Variants in ADGRL3 observed in about 807,000 individuals in gnomAD.
ADGRL3 encodes the protein calcium-independent alpha-latrotoxin receptor 3.
In ADGRL3, 62 loss-of-function variants were observed where a neutral mutation model predicts 153.5. That is an observed-to-expected ratio of 0.40 (90% confidence interval 0.33 to 0.50). The LOEUF (loss-of-function observed/expected upper bound fraction) is 0.50, where lower values mean the gene tolerates loss of function less well. Ranked by LOEUF, ADGRL3 falls within the 20% of genes least tolerant of loss-of-function variation. ADGRL3 has a pLI of 0.47. For synonymous variants in ADGRL3, 710 were observed against 672.5 expected, an observed-to-expected ratio of 1.06 and a Z score of -0.86; for missense variants, 1,641 against 1,859.4, an observed-to-expected ratio of 0.88 and a Z score of 2.16.
At chr4:61,296,421 C>T (rs12331903) in intron 1 of ADGRL3, among the ~76,000 whole-genome samples, 41,190 of 151,776 alleles carry the variant, frequency 0.27, 6,154 homozygotes, top group East Asian at 0.43. Flanking sequence ...CAAACCTAGG[C>T]ATAAGAGAGC....
At chr4:61,694,088 T>A (rs1175860834) in intron 6 of ADGRL3, among the ~76,000 whole-genome samples, 1 of 151,636 alleles carries the variant, frequency 6.6e-6, no homozygotes, top group East Asian at 1.9e-4. Flanking sequence ...TTCAAAACAG[T>A]GTATCTTCTA....
At chr4:61,844,391 G>T (rs1293981779) in intron 9 of ADGRL3, among the ~76,000 whole-genome samples, 3 of 149,414 alleles carry the variant, frequency 2.0e-5, no homozygotes, top group African/African-American at 4.9e-5. Context: ...TACTAAAAAT[G>T]CAAAACTTAG....
At chr4:61,361,118 T>C (rs1424266880) in intron 1 of ADGRL3, among the ~76,000 whole-genome samples, 1 of 152,196 alleles carries the variant, frequency 6.6e-6, no homozygotes, top group Non-Finnish European at 1.5e-5. Context: ...GCTAGAATGC[T>C]GTGTGATGAG....
chr4:61,495,892 T>G (rs1456473073), intron 2 of ADGRL3, among the ~76,000 whole-genome samples: 1 of 152,226 alleles, frequency 6.6e-6, no homozygotes, highest in Non-Finnish European at 1.5e-5. Context: ...TGAATGATGT[T>G]CGAACTGCAT....
intron 2 of ADGRL3, among the ~76,000 whole-genome samples, chr4:61,491,739 G>A (rs900710341): frequency 1.5e-4 from 23 of 151,912 alleles, no homozygotes; most frequent in African/African-American, 5.1e-4. Flanking sequence ...TTCTCCATAC[G>A]TCAGTGTTAT....
At chr4:61,911,947 C>A (rs537999424) in intron 12 of ADGRL3, among the ~76,000 whole-genome samples, 1 of 152,192 alleles carries the variant, frequency 6.6e-6, no homozygotes, top group Admixed American at 6.5e-5. Flanking sequence ...CATTTTATCA[C>A]CAGGAAATAA....
intron 17 of ADGRL3, among the ~76,000 whole-genome samples, chr4:61,966,168 G>T (rs1269659707): frequency 6.6e-6 from 1 of 152,108 alleles, no homozygotes; most frequent in African/African-American, 2.4e-5. Context: ...GTGCGTATGT[G>T]CACATGTACA....
At chr4:62,029,292 C>T (rs1055771315) in intron 22 of ADGRL3, among the ~76,000 whole-genome samples, 14 of 151,588 alleles carry the variant, frequency 9.2e-5, no homozygotes, top group Admixed American at 3.3e-4. Context: ...AATGATCTTA[C>T]GGGTATAAAA....
chr4:61,753,865 C>T (rs1339836717), intron 8 of ADGRL3, among the ~76,000 whole-genome samples: 1 of 152,162 alleles, frequency 6.6e-6, no homozygotes, highest in East Asian at 1.9e-4. Context: ...TTCCCTGGAA[C>T]TTATGATAAG....
intron 4 of ADGRL3, among the ~76,000 whole-genome samples, chr4:61,531,094 T>G (rs1025692600): frequency 1.3e-5 from 2 of 152,166 alleles, no homozygotes; most frequent in Non-Finnish European, 2.9e-5. Context: ...ATACCACCTA[T>G]GAAAGAATGA....
At chr4:61,671,883 C>T (rs534088546) in intron 5 of ADGRL3, among the ~76,000 whole-genome samples, 26 of 152,244 alleles carry the variant, frequency 1.7e-4, no homozygotes, top group African/African-American at 6.0e-4. Flanking sequence ...TATTTGATTA[C>T]TGAGAGTCTG....
chr4:61,297,845 C>CA (rs919964283), intron 1 of ADGRL3, among the ~76,000 whole-genome samples: 2 of 151,936 alleles, frequency 1.3e-5, no homozygotes, highest in African/African-American at 2.4e-5. Flanking sequence ...CCACCACCAT[C>CA]ATCACCATCA....
At chr4:61,224,435 A>T (rs2149074649) in intron 1 of ADGRL3, among the ~76,000 whole-genome samples, 1 of 152,336 alleles carries the variant, frequency 6.6e-6, no homozygotes, top group East Asian at 1.9e-4. Context: ...CTGATTAAAA[A>T]TTTATTGCTT....
At chr4:61,237,214 G>A (rs913996202) in intron 1 of ADGRL3, among the ~76,000 whole-genome samples, 5 of 152,250 alleles carry the variant, frequency 3.3e-5, no homozygotes, top group East Asian at 1.9e-4. Flanking sequence ...ATTCATGGTG[G>A]CTGCAGGAAA....
Position 61,657,987 on chromosome 4 carries a change from A to C in ADGRL3, c.474-18839A>C, listed in dbSNP as rs150585074. On this transcript the variant is annotated intron_variant, in intron 5 of 26. Transcript: ENST00000683033. Reference sequence around the variant, plus strand: ...AAGACACTGGAGGTTTGGTAGCAGCAATTCAGTGCTCTTACTGTATGCAAA... The same window carrying C: ...AAGACACTGGAGGTTTGGTAGCAGCCATTCAGTGCTCTTACTGTATGCAAA... Among the ~76,000 whole-genome samples the C allele has an allele frequency of 2.0e-3, 312 of 152,276 alleles. 1 individual carries two copies. The highest frequency in any genetic ancestry group is 7.2e-3 in the African/African-American group (299 of 41,566).
At chr4:61,618,831 C>T (rs745636615) in intron 5 of ADGRL3, among the ~76,000 whole-genome samples, 2 of 152,150 alleles carry the variant, frequency 1.3e-5, no homozygotes, top group Non-Finnish European at 2.9e-5. Flanking sequence ...ACACTCCCTC[C>T]TCAGCCACTT....
chr4:61,817,682 A>T (rs1463412092), intron 9 of ADGRL3, among the ~76,000 whole-genome samples: 1 of 152,180 alleles, frequency 6.6e-6, no homozygotes, highest in Non-Finnish European at 1.5e-5. Context: ...AAAAGAAAGG[A>T]GGTTTAATGG....
At chr4:61,611,846 G>A (rs762557590) in intron 5 of ADGRL3, among the ~76,000 whole-genome samples, 6 of 152,006 alleles carry the variant, frequency 3.9e-5, no homozygotes, top group African/African-American at 9.7e-5. Context: ...CCTTGAGCCC[G>A]GAATTCAAGG....
At chr4:61,605,732 A>G (rs2099029976) in intron 5 of ADGRL3, among the ~76,000 whole-genome samples, 2 of 152,204 alleles carry the variant, frequency 1.3e-5, no homozygotes, top group Non-Finnish European at 2.9e-5. Context: ...CAAGTGACAC[A>G]TATCCATGGT....
Sources: allele counts gnomAD v4.1 joint callset (sites outside exome capture counted in the v4.1 genomes callset), GRCh38; gene constraint gnomAD v4.1.1; transcripts MANE v1.5; gene names NCBI Gene and HGNC (gene_info 2026-07-23, HGNC 2026-07-21).